Variants in FGF20 observed in about 807,000 individuals in gnomAD.
The protein encoded by FGF20 is fibroblast growth factor 20.
Under a neutral mutation model 16.7 loss-of-function variants are expected in FGF20, and 8 were observed. The ratio of observed to expected loss-of-function variants is 0.48; its 90% CI spans 0.28 to 0.87. The LOEUF is 0.87. FGF20 is among the 40% of genes least tolerant of loss of function. FGF20 has a pLI of 0.10. For synonymous variants in FGF20, 161 were observed against 118.6 expected (o/e 1.36, Z -2.32); for missense variants, 397 against 281.4 (o/e 1.41, Z -2.94).
In FGF20 at chr8:16,993,843, A is replaced by G. The variant is rs1276561057; in HGVS notation, c.391-526T>C. 2.6e-5 allele frequency among the ~76,000 whole-genome samples: 4 copies of G among 152,170 alleles called. No homozygotes were observed. In the East Asian group the frequency reaches 5.8e-4, roughly 22 times the overall value. On this transcript the variant is annotated intron_variant, in intron 2 of 2. Transcript: ENST00000180166. ...AGATCCCTCGCATGCACAGTTCACA[A>G]TAGGGTTCATGCTCCTATGAGAATT... is the stretch of plus-strand genomic sequence containing the variant.
chr8:16,993,146 T>C lies in FGF20; in HGVS notation c.562A>G (p.Thr188Ala), dbSNP rs1809955191. Residue 188 changes from threonine (T) to alanine (A), a missense_variant, in exon 3 of 3, where the codon ACA becomes GCA. Coordinates refer to ENST00000180166, the MANE Select transcript of FGF20 (RefSeq NM_019851.3). ...GARSKRHQKFTHFLPRPVDPE... is the reference protein window; with the variant it reads ...GARSKRHQKFAHFLPRPVDPE... ...TCCACTGGTCTAGGTAAGAAATGTG[T>C]AAATTTCTGATGCCTCTTGGACCTG... 5 of 1,613,960 alleles carry C rather than the reference T, an allele frequency of 3.1e-6. No homozygotes were observed. The Admixed American group carries it at 5.0e-5, about 16-fold the overall frequency.
At chr8:17,001,708 G>A (rs1030235616) in intron 1 of FGF20, 39 bp downstream of exon 1, 9 of 1,541,304 alleles carry the variant, frequency 5.8e-6, no homozygotes, top group Admixed American at 1.9e-5. Flanking sequence ...AGCCGAGCTG[G>A]GGCGCAGATG....
At chr8:16,998,417 G>A (rs180798338) in intron 1 of FGF20, among the ~76,000 whole-genome samples, 11 of 152,112 alleles carry the variant, frequency 7.2e-5, no homozygotes, top group African/African-American at 2.4e-4. Flanking sequence ...AGTATACCAC[G>A]TAGTAATTTG....
chr8:16,995,920 GT>G (rs1472954919), intron 1 of FGF20, among the ~76,000 whole-genome samples, 162 bp from the exon 2 acceptor site: 1 of 152,198 alleles, frequency 6.6e-6, no homozygotes, highest in African/African-American at 2.4e-5. Flanking sequence ...CTATGCAATT[GT>G]TTTATGACAG....
chr8:16,996,582 T>C (rs970310263), intron 1 of FGF20, among the ~76,000 whole-genome samples: 1 of 152,200 alleles, frequency 6.6e-6, no homozygotes, highest in Non-Finnish European at 1.5e-5. Flanking sequence ...ATTATAACCA[T>C]TTTCTATTCA....
At chr8:16,996,705 T>C (rs1485271808) in intron 1 of FGF20, among the ~76,000 whole-genome samples, 4 of 152,320 alleles carry the variant, frequency 2.6e-5, no homozygotes, top group Middle Eastern at 3.4e-3. Flanking sequence ...GTTTGTATTT[T>C]CTTATCTGGC....
Position 17,002,029 on chromosome 8 carries a change from C to T in FGF20, c.4G>A (p.Ala2Thr). 1.9e-6 allele frequency: 3 copies of T among 1,538,762 alleles called. No individual in the cohort carries two copies. The highest frequency in any genetic ancestry group is 2.6e-6 in the Non-Finnish European group (3 of 1,143,484). M[A>T]PLAEVGGFLG... is the part of the protein sequence containing the mutation. ...AAGCCCCCGACTTCGGCTAAGGGAG[C>T]CATGGAGGGGGAGATCCGGAACACA... Residue 2 changes from alanine (A) to threonine (T), a missense_variant, in exon 1 of 3, where the codon GCT (alanine) becomes ACT (threonine). By Grantham distance (58) the Ala-to-Thr change is moderately conservative (BLOSUM62 0). Transcript: ENST00000180166.
intron 1 of FGF20, among the ~76,000 whole-genome samples, chr8:16,996,688 G>C (rs1810056337): frequency 6.6e-6 from 1 of 151,952 alleles, no homozygotes; most frequent in Non-Finnish European, 1.5e-5. Flanking sequence ...GTCAATAAAG[G>C]GCATTTGTTT....
In FGF20 at chr8:16,993,261, G is replaced by C. The variant is rs770153930; in HGVS notation, c.447C>G (p.Asn149Lys). ...FREQFEENWY[N>K]TYSSNIYKHG... ...GTTTATATATGTTAGATGAATAGGT[G>C]TTATACCAGTTCTCTTCAAACTGCT... Residue 149 changes from asparagine to lysine, a missense_variant, in exon 3 of 3, where the codon AAC becomes AAG. Physicochemically the swap from Asn to Lys is moderately conservative, Grantham distance 94. Transcript: ENST00000180166. The C allele has an allele frequency of 3.7e-6, 6 of 1,613,940 alleles. No individual in the cohort carries two copies. The Admixed American group carries it at 1.0e-4, about 27-fold the overall frequency.
In FGF20 at chr8:16,993,161, T is replaced by C. The variant is rs755939016; in HGVS notation, c.547A>G (p.Arg183Gly). The C allele has an allele frequency of 4.3e-6, 7 of 1,614,132 alleles. No individual in the cohort carries two copies. In the Admixed American group the frequency reaches 1.2e-4, roughly 27 times the overall value. ...AAGAAATGTGTAAATTTCTGATGCC[T>C]CTTGGACCTGGCGCCATCTCTTGGA... ...GTPRDGARSKRHQKFTHFLPR... is the reference protein window; with the variant it reads ...GTPRDGARSKGHQKFTHFLPR... The change falls in exon 3 of 3, where the codon AGG becomes GGG. Residue 183 changes from arginine to glycine, a missense_variant. By Grantham distance (125) the Arg-to-Gly change is moderately radical (BLOSUM62 -2). Transcript: ENST00000180166.
rs1345481751 is a variant in FGF20 at position 17,002,291 on chromosome 8, T to A, written c.-259A>T. The A allele has an allele frequency of 2.4e-6, 1 of 414,650 alleles. No homozygotes were observed. The highest frequency in any genetic ancestry group is 2.1e-5 in the African/African-American group (1 of 47,380). 25.7% of individuals were successfully genotyped at this position (414,650 alleles called of 1,614,324 possible). A position where few individuals can be genotyped will look rare whatever the true frequency, so the allele number is the denominator to read the frequency against. On this transcript the variant is annotated 5_prime_UTR_variant, in exon 1 of 3. Transcript: ENST00000180166. The stretch of plus-strand genomic sequence containing the variant: ...TATCTATAGCTGCCGCTGCCAATAC[T>A]AGGACTAGGGCTGTTGGCTGGGGCT...
rs762222483 is a variant in FGF20 at position 16,993,193 on chromosome 8, T to C, written c.515A>G (p.Asp172Gly). 1 of 1,614,120 alleles carries C rather than the reference T, an allele frequency of 6.2e-7. No homozygotes were observed. Among genetic ancestry groups the C allele is most frequent in the African/African-American group, 1.3e-5 (1 of 75,040 alleles). ...CCTGGCGCCATCTCTTGGAGTTCCG[T>C]CTTTGTTAAGTGCCACAAAATACCT... is the stretch of plus-strand genomic sequence containing the variant. ...GRRYFVALNK[D>G]GTPRDGARSK... The change falls in exon 3 of 3, where the codon GAC becomes GGC. Residue 172 changes from aspartate to glycine, a missense_variant. Physicochemically the swap from Asp to Gly is moderately conservative, Grantham distance 94. Coordinates refer to ENST00000180166, the MANE Select transcript of FGF20 (RefSeq NM_019851.3).
At chr8:16,999,539 T>TC (rs1285235409) in intron 1 of FGF20, among the ~76,000 whole-genome samples, 1 of 147,650 alleles carries the variant, frequency 6.8e-6, no homozygotes, top group African/African-American at 2.5e-5. Context: ...TTTTTTTTTT[T>TC]TGAGACAGAG....
Position 17,001,811 on chromosome 8 carries a change from G to A in FGF20, c.222C>T (p.Gly74=), listed in dbSNP as rs755604371. The change falls in exon 1 of 3, where the codon GGC becomes GGT. Residue 74 remains glycine, a synonymous_variant. Coordinates refer to ENST00000180166, the MANE Select transcript of FGF20 (RefSeq NM_019851.3). ...LRRRQLYCRT[G]FHLQILPDGS... ...CGTCGGGCAGGATCTGCAGGTGGAAGCCGGTGCGGCAATAGAGCTGCCGGC... is the reference window on the plus strand; with the variant it reads ...CGTCGGGCAGGATCTGCAGGTGGAAACCGGTGCGGCAATAGAGCTGCCGGC... 4.5e-6 allele frequency: 7 copies of A among 1,557,144 alleles called. No individual in the cohort carries two copies. In the South Asian group the frequency reaches 7.0e-5, roughly 16 times the overall value.
intron 1 of FGF20, among the ~76,000 whole-genome samples, chr8:16,998,497 A>C (rs1204531676): frequency 6.6e-6 from 1 of 152,220 alleles, no homozygotes; most frequent in Non-Finnish European, 1.5e-5. Context: ...CAACTAAGCT[A>C]ATTCCTTTAC....
rs1809932121 is a variant in FGF20, at chr8:16,992,324, A to G, written c.*748T>C. The G allele has an allele frequency of 6.6e-6, 1 of 152,092 alleles. No individual in the cohort carries two copies. The highest frequency in any genetic ancestry group is 1.5e-5 in the Non-Finnish European group (1 of 68,008). 9.4% of individuals were successfully genotyped at this position (152,092 alleles called of 1,614,324 possible). A position where few individuals can be genotyped will look rare whatever the true frequency, so the allele number is the denominator to read the frequency against. On this transcript the variant is annotated 3_prime_UTR_variant, in exon 3 of 3. Coordinates refer to ENST00000180166, the MANE Select transcript of FGF20 (RefSeq NM_019851.3). ...ATATAATCTATACTATATTTTAAAA[A>G]GAAATTCAAAATCTGATTCTATGGT...
chr8:16,996,150 C>G (rs1320978664), intron 1 of FGF20, among the ~76,000 whole-genome samples: 1 of 152,090 alleles, frequency 6.6e-6, no homozygotes, highest in African/African-American at 2.4e-5. Flanking sequence ...TAACAGGAAC[C>G]TCGAACCTCT....
chr8:16,998,985 A>G (rs1810121820), intron 1 of FGF20, among the ~76,000 whole-genome samples: 1 of 152,230 alleles, frequency 6.6e-6, no homozygotes, highest in Non-Finnish European at 1.5e-5. Flanking sequence ...AAAAAACATA[A>G]TAATTTAATA....
chr8:16,993,896 C>T (rs1167914377), intron 2 of FGF20, among the ~76,000 whole-genome samples: 1 of 151,994 alleles, frequency 6.6e-6, no homozygotes, highest in African/African-American at 2.4e-5. Flanking sequence ...TCACAGGAGG[C>T]GGAGCTTAGG....
Sources: allele counts gnomAD v4.1 joint callset (sites outside exome capture counted in the v4.1 genomes callset), GRCh38; gene constraint gnomAD v4.1.1; transcripts MANE v1.5; gene names NCBI Gene and HGNC (gene_info 2026-07-23, HGNC 2026-07-21).